The following MYO3B variants were observed in gnomAD, a reference collection of about 807,000 sequenced individuals.
MYO3B encodes the protein myosin-IIIb.
Under a neutral mutation model 174.6 loss-of-function variants are expected in MYO3B, and 156 were observed. The ratio of observed to expected loss-of-function variants is 0.89; its 90% CI spans 0.78 to 1.02. MYO3B has a LOEUF of 1.02. Ranked by LOEUF, MYO3B falls within the 50% of genes least tolerant of loss-of-function variation. MYO3B has a pLI of 0.00. For synonymous variants in MYO3B, 563 were observed against 569.1 expected (o/e 0.99, Z 0.15); for missense variants, 1,632 against 1,639.4 (o/e 1.00, Z 0.08).
chr2:170,540,080 A>G (rs1489597847), intron 30 of MYO3B, among the ~76,000 whole-genome samples: 4 of 152,178 alleles, frequency 2.6e-5, no homozygotes, highest in African/African-American at 9.7e-5. Context: ...AGGTTATTTT[A>G]GGAAGCAGAG....
chr2:170,530,228 G>GA (rs1357257101), intron 30 of MYO3B, among the ~76,000 whole-genome samples: 2 of 152,166 alleles, frequency 1.3e-5, no homozygotes, highest in African/African-American at 4.8e-5. Context: ...GAGCTCTCGT[G>GA]AAACAGAGCT....
intron 32 of MYO3B, among the ~76,000 whole-genome samples, chr2:170,632,902 T>C (rs1489988776): frequency 2.3e-5 from 3 of 131,974 alleles, no homozygotes; most frequent in African/African-American, 8.2e-5. Context: ...GATAAATTCC[T>C]CGACACTTAT....
chr2:170,648,624 A>C (rs1178925409), intron 32 of MYO3B, among the ~76,000 whole-genome samples: 6 of 138,148 alleles, frequency 4.3e-5, no homozygotes, highest in African/African-American at 1.6e-4. Context: ...CTCTGTCTCA[A>C]AAAATATGTA....
chr2:170,431,271 C>G (rs193001420), intron 22 of MYO3B, among the ~76,000 whole-genome samples: 1 of 152,116 alleles, frequency 6.6e-6, no homozygotes, highest in African/African-American at 2.4e-5. Context: ...AAAGGAAATT[C>G]TCCTCGTTAA....
At chr2:170,392,016 G>T (rs936336922) in intron 15 of MYO3B, among the ~76,000 whole-genome samples, 1 of 151,278 alleles carries the variant, frequency 6.6e-6, no homozygotes, top group Non-Finnish European at 1.5e-5. Flanking sequence ...TTAGCTACTC[G>T]GGAGGCTGAG....
At chr2:170,386,167 G>A in intron 12 of MYO3B, 22 bp from the exon 13 acceptor site, 3 of 1,610,030 alleles carry the variant, frequency 1.9e-6, no homozygotes, top group Non-Finnish European at 1.7e-6. Context: ...TTCTTCACTT[G>A]ACGCTCCATT....
At chr2:170,434,001 A>G (rs1302201189) in intron 22 of MYO3B, among the ~76,000 whole-genome samples, 1 of 152,206 alleles carries the variant, frequency 6.6e-6, no homozygotes, top group African/African-American at 2.4e-5. Flanking sequence ...CTAAGGGAGA[A>G]AGTAAAAACT....
At chr2:170,513,286 G>C (rs1361720488) in intron 28 of MYO3B, among the ~76,000 whole-genome samples, 3 of 152,156 alleles carry the variant, frequency 2.0e-5, no homozygotes, top group Non-Finnish European at 4.4e-5. Context: ...AGTTCTAGAG[G>C]CTAGAAGTCC....
At chr2:170,331,445 T>G (rs1454098228) in intron 7 of MYO3B, among the ~76,000 whole-genome samples, 1 of 152,050 alleles carries the variant, frequency 6.6e-6, no homozygotes, top group Non-Finnish European at 1.5e-5. Flanking sequence ...GTAACTGGAC[T>G]AGGATGTGAA....
intron 28 of MYO3B, among the ~76,000 whole-genome samples, chr2:170,507,826 A>G (rs1028334404): frequency 1.1e-4 from 17 of 152,192 alleles, no homozygotes; most frequent in African/African-American, 3.6e-4. Flanking sequence ...TGTAGTACAG[A>G]GACAGGATGG....
chr2:170,426,956 T>C (rs566509202), intron 22 of MYO3B, among the ~76,000 whole-genome samples: 4 of 151,872 alleles, frequency 2.6e-5, no homozygotes, highest in Non-Finnish European at 5.9e-5. Context: ...AGGCGGAGGA[T>C]GCAGTCAGCC....
intron 16 of MYO3B, among the ~76,000 whole-genome samples, chr2:170,396,542 T>G (rs768244295): frequency 1.3e-5 from 2 of 152,152 alleles, no homozygotes; most frequent in African/African-American, 2.4e-5. Flanking sequence ...CCGCTGTTAG[T>G]TCTCACTAAA....
chr2:170,264,617 A>C (rs2093369348), intron 7 of MYO3B, among the ~76,000 whole-genome samples: 1 of 152,212 alleles, frequency 6.6e-6, no homozygotes, highest in Admixed American at 6.5e-5. Context: ...GAACTCTTCT[A>C]GCTGACATAA....
chr2:170,526,831 T>A (rs1414955460), intron 30 of MYO3B, among the ~76,000 whole-genome samples: 8 of 152,228 alleles, frequency 5.3e-5, no homozygotes, highest in Admixed American at 5.2e-4. Flanking sequence ...TTATCTGAAC[T>A]ATTTCAACAA....
intron 30 of MYO3B, among the ~76,000 whole-genome samples, chr2:170,533,109 A>C (rs1183663337): frequency 6.6e-6 from 1 of 152,146 alleles, no homozygotes; most frequent in Non-Finnish European, 1.5e-5. Context: ...ATCTTTCTCC[A>C]TTCACACCTA....
chr2:170,592,166 A>C (rs1160993427), intron 32 of MYO3B, among the ~76,000 whole-genome samples: 1 of 152,166 alleles, frequency 6.6e-6, no homozygotes, highest in Admixed American at 6.5e-5. Context: ...CCATAACCAT[A>C]TCACTAAAAT....
chr2:170,452,807 C>T (rs749062336), intron 23 of MYO3B, among the ~76,000 whole-genome samples: 6 of 152,212 alleles, frequency 3.9e-5, no homozygotes, highest in East Asian at 1.9e-4. Context: ...AATCAGAAGC[C>T]GTCCATAGGG....
At position 170,397,600 on chromosome 2, in the gene MYO3B, C is replaced by T. The variant is rs959413157; in HGVS notation, c.1792-2588C>T. Reference sequence around the variant, plus strand: ...AATATAAAAATAGAGCTTAGATAATCGGAACCGTTTTTACTCACATTTCTG... The same window carrying T: ...AATATAAAAATAGAGCTTAGATAATTGGAACCGTTTTTACTCACATTTCTG... On this transcript the variant is annotated intron_variant, in intron 16 of 34. Transcript: ENST00000408978. Among the ~76,000 whole-genome samples the T allele has an allele frequency of 6.6e-5, 10 of 152,144 alleles. No individual in the cohort carries two copies. In the South Asian group the frequency reaches 1.0e-3, roughly 16 times the overall value.
chr2:170,342,653 T>A (rs549135770), intron 8 of MYO3B, among the ~76,000 whole-genome samples: 1 of 152,274 alleles, frequency 6.6e-6, no homozygotes, highest in Admixed American at 6.5e-5. Context: ...ATAATAATAA[T>A]AATTAACATA....
Sources: gnomAD v4.1 joint callset for allele counts (sites outside exome capture counted in the v4.1 genomes callset) on GRCh38, gnomAD v4.1.1 for gene constraint, MANE v1.5 for transcripts, NCBI Gene and HGNC (gene_info 2026-07-23, HGNC 2026-07-21) for gene names.